The following PYGO1 variants were observed in gnomAD, a reference collection of about 807,000 sequenced individuals.
PYGO1 encodes pygopus family PHD finger 1, also known as pygopus homolog 1.
In PYGO1, 6 loss-of-function variants were observed where a neutral mutation model predicts 29.5. That is an observed-to-expected ratio of 0.20 (90% CI 0.11 to 0.40). PYGO1 has a LOEUF of 0.40. PYGO1 is among the 10% of genes least tolerant of loss of function. The probability of loss-of-function intolerance (pLI) is 1.00; values close to 1 mark genes in which losing one functional copy is unlikely to be tolerated. For missense variants in PYGO1, 515 were observed against 514.9 expected, an observed-to-expected ratio of 1.00 and a Z score of 0.00; for synonymous variants, 186 against 180.5, an observed-to-expected ratio of 1.03 and a Z score of -0.24.
Position 55,544,558 on chromosome 15 carries a change from G to A in PYGO1, c.*1465C>T, listed in dbSNP as rs931116358. On this transcript the variant is annotated 3_prime_UTR_variant, in exon 3 of 3. Transcript: ENST00000563719. The stretch of plus-strand genomic sequence containing the variant: ...TCTTGTGTGTTACCCAAAGGACATT[G>A]TTTTTAAATCACATTTTCATGCATA... The A allele has an allele frequency of 2.6e-5, 4 of 152,106 alleles. No homozygotes were observed. Among genetic ancestry groups the A allele is most frequent in the Non-Finnish European group, 4.4e-5 (3 of 68,000 alleles). The allele number at this position is 152,106 out of a possible 1,614,324, so 9.4% of individuals were successfully genotyped here. A position where few individuals can be genotyped will look rare whatever the true frequency, so the allele number is the denominator to read the frequency against.
intron 1 of PYGO1, among the ~76,000 whole-genome samples, chr15:55,556,226 C>T (rs1053914865): frequency 6.6e-6 from 1 of 152,178 alleles, no homozygotes; most frequent in Non-Finnish European, 1.5e-5. Context: ...ACACATGGCA[C>T]TTACTCTAAA....
chr15:55,580,850 A>C (rs1483930277), intron 1 of PYGO1, among the ~76,000 whole-genome samples: 1 of 152,234 alleles, frequency 6.6e-6, no homozygotes, highest in African/African-American at 2.4e-5. Flanking sequence ...GTCAGAAGAC[A>C]GAACTGTATC....
intron 1 of PYGO1, among the ~76,000 whole-genome samples, chr15:55,552,303 T>A (rs796695538): frequency 7.6e-5 from 11 of 144,724 alleles, no homozygotes; most frequent in Admixed American, 2.1e-4. Context: ...TTCCACTGAG[T>A]TGAGATCGCA....
chr15:55,573,205 C>T (rs1314368324), intron 1 of PYGO1, among the ~76,000 whole-genome samples: 1 of 152,048 alleles, frequency 6.6e-6, no homozygotes, highest in Non-Finnish European at 1.5e-5. Flanking sequence ...ACTTAGGAGG[C>T]TGGGGCAGGA....
intron 1 of PYGO1, among the ~76,000 whole-genome samples, chr15:55,565,397 T>C (rs1328149923): frequency 1.3e-5 from 2 of 152,052 alleles, no homozygotes; most frequent in Non-Finnish European, 2.9e-5. Flanking sequence ...CTCTATAATG[T>C]ATATTTAAAA....
intron 2 of PYGO1, 39 bp from the exon 3 acceptor site, chr15:55,547,186 C>CA: frequency 6.7e-7 from 1 of 1,489,120 alleles, no homozygotes. Context: ...TGTTTTCGAT[C>CA]AAATACATTA....
At chr15:55,551,448 G>C (rs532302371) in intron 1 of PYGO1, among the ~76,000 whole-genome samples, 2 of 152,208 alleles carry the variant, frequency 1.3e-5, no homozygotes, top group African/African-American at 4.8e-5. Context: ...ACCAAAGCCA[G>C]ACAATGATAT....
intron 1 of PYGO1, among the ~76,000 whole-genome samples, chr15:55,581,776 C>T (rs1567060605): frequency 1.3e-5 from 2 of 151,738 alleles, no homozygotes; most frequent in Non-Finnish European, 2.9e-5. Flanking sequence ...CTATCAGTAG[C>T]AATGTGGAAA....
intron 1 of PYGO1, among the ~76,000 whole-genome samples, chr15:55,569,093 A>T (rs889508919): frequency 3.3e-5 from 5 of 150,954 alleles, no homozygotes; most frequent in Admixed American, 3.3e-4. Flanking sequence ...TGGTATTGGG[A>T]TGATGGGACT....
At chr15:55,577,684 C>T (rs916939931) in intron 1 of PYGO1, among the ~76,000 whole-genome samples, 2 of 151,814 alleles carry the variant, frequency 1.3e-5, no homozygotes, top group African/African-American at 2.4e-5. Context: ...AATTCCTGAA[C>T]ATTATCATCA....
chr15:55,566,355 G>A (rs2058956531), intron 1 of PYGO1, among the ~76,000 whole-genome samples: 1 of 150,640 alleles, frequency 6.6e-6, no homozygotes, highest in South Asian at 2.1e-4. Context: ...AATTTGCTTA[G>A]GATAACGGCC....
chr15:55,582,444 C>T (rs929925191), intron 1 of PYGO1, among the ~76,000 whole-genome samples: 3 of 152,148 alleles, frequency 2.0e-5, no homozygotes, highest in Non-Finnish European at 4.4e-5. Context: ...CACTCTCTCA[C>T]GGTTTTTCTC....
chr15:55,576,738 C>A (rs2059004078), intron 1 of PYGO1, among the ~76,000 whole-genome samples: 1 of 39,366 alleles, frequency 2.5e-5, no homozygotes, highest in Admixed American at 4.2e-4. Flanking sequence ...TGTGCCACTG[C>A]ACTCCAGCCT....
chr15:55,567,012 A>T (rs1002932470), intron 1 of PYGO1, among the ~76,000 whole-genome samples: 8 of 152,058 alleles, frequency 5.3e-5, no homozygotes, highest in Admixed American at 5.2e-4. Flanking sequence ...GCTTACAGGC[A>T]TGAGCCACCC....
chr15:55,585,369 A>G (rs2059042266), intron 1 of PYGO1, among the ~76,000 whole-genome samples: 1 of 152,214 alleles, frequency 6.6e-6, no homozygotes, highest in African/African-American at 2.4e-5. Flanking sequence ...TATGCCCTGC[A>G]AACACCACAT....
chr15:55,566,108 G>A lies in PYGO1; in HGVS notation c.50-17113C>T, dbSNP rs183248998. Among the ~76,000 whole-genome samples the A allele has an allele frequency of 1.7e-4, 26 of 152,194 alleles. No homozygotes were observed. The East Asian group carries it at 4.3e-3, about 25-fold the overall frequency. On this transcript the variant is annotated intron_variant, in intron 1 of 2. Coordinates refer to ENST00000563719, the MANE Select transcript of PYGO1 (RefSeq NM_001367806.1). ...TATTTTCAACTTTTATTTTAGATTT[G>A]GGGAGTACATGGGCAGGTATGTTAC...
At chr15:55,553,526 G>C (rs1423981070) in intron 1 of PYGO1, among the ~76,000 whole-genome samples, 1 of 152,030 alleles carries the variant, frequency 6.6e-6, no homozygotes, top group South Asian at 2.1e-4. Flanking sequence ...CTCTTGATTG[G>C]CTGGAATTAC....
chr15:55,550,989 C>T (rs1471661501), intron 1 of PYGO1, among the ~76,000 whole-genome samples: 1 of 152,180 alleles, frequency 6.6e-6, no homozygotes, highest in Admixed American at 6.5e-5. Flanking sequence ...AAGAAATGCA[C>T]AACCTAGATC....
chr15:55,586,532 T>G (rs1030128456), intron 1 of PYGO1, among the ~76,000 whole-genome samples: 59 of 152,254 alleles, frequency 3.9e-4, no homozygotes, highest in African/African-American at 1.3e-3. Context: ...CTATCACCTT[T>G]GCTCACTTTT....
Sources: allele counts gnomAD v4.1 joint callset (sites outside exome capture counted in the v4.1 genomes callset), GRCh38; gene constraint gnomAD v4.1.1; transcripts MANE v1.5; gene names NCBI Gene and HGNC (gene_info 2026-07-23, HGNC 2026-07-21).